The following SH3RF1 variants were observed in gnomAD, a reference collection of about 807,000 sequenced individuals.
The protein encoded by SH3RF1 is E3 ubiquitin-protein ligase SH3RF1.
In SH3RF1, 32 loss-of-function variants were observed where a neutral mutation model predicts 74.0. That is an observed-to-expected ratio of 0.43 (90% CI 0.33 to 0.58). The LOEUF (loss-of-function observed/expected upper bound fraction) is 0.58, where lower values mean the gene tolerates loss of function less well. SH3RF1 is among the 20% of genes least tolerant of loss of function. The pLI is 0.05. For synonymous variants in SH3RF1, 396 were observed against 439.6 expected (o/e 0.90, Z 1.24); for missense variants, 954 against 1,130.9 (o/e 0.84, Z 2.24).
chr4:169,269,214 T>G lies in SH3RF1; in HGVS notation c.-2A>C. 4 of 1,562,262 alleles carry G rather than the reference T, an allele frequency of 2.6e-6. No individual in the cohort carries two copies. The highest frequency in any genetic ancestry group is 3.4e-6 in the Non-Finnish European group (4 of 1,160,286). On this transcript the variant is annotated 5_prime_UTR_variant, in exon 2 of 12. Transcript: ENST00000284637. ...ATCCAACAAGGCTGATTCATCCATC[T>G]TTATCTACTTTACTGAGAAAAAATC... is the stretch of plus-strand genomic sequence containing the variant.
At chr4:169,243,523 T>C (rs954182319) in intron 2 of SH3RF1, among the ~76,000 whole-genome samples, 6 of 152,124 alleles carry the variant, frequency 3.9e-5, no homozygotes, top group Admixed American at 2.0e-4. Flanking sequence ...AATAAATAAA[T>C]AGATAAATAA....
chr4:169,227,501 T>A (rs1489650607), intron 2 of SH3RF1, among the ~76,000 whole-genome samples: 1 of 152,216 alleles, frequency 6.6e-6, no homozygotes, highest in Admixed American at 6.5e-5. Flanking sequence ...GAGTTGGAAT[T>A]TATGCTTTAG....
At position 169,226,384 on chromosome 4, in the gene SH3RF1, A is replaced by G. The variant is rs546487844; in HGVS notation, c.393+42436T>C. 2.6e-5 allele frequency among the ~76,000 whole-genome samples: 4 copies of G among 152,328 alleles called. No individual in the cohort carries two copies. The South Asian group carries it at 8.3e-4, about 32-fold the overall frequency. On this transcript the variant is annotated intron_variant, in intron 2 of 11. Coordinates refer to ENST00000284637, the MANE Select transcript of SH3RF1 (RefSeq NM_020870.4). ...TTTTCATCACAGTTGTCGTGTCTAC[A>G]TATCAAGGTTTTCCTGGTCACCATA...
chr4:169,196,491 A>G (rs1734814147), intron 2 of SH3RF1, among the ~76,000 whole-genome samples: 2 of 152,238 alleles, frequency 1.3e-5, no homozygotes, highest in South Asian at 4.1e-4. Context: ...TGTTAGTAGA[A>G]GTAATTTGAG....
chr4:169,235,341 C>T (rs1730809312), intron 2 of SH3RF1, among the ~76,000 whole-genome samples: 3 of 152,164 alleles, frequency 2.0e-5, no homozygotes. Context: ...TGACAAAATT[C>T]ATAATAAAAA....
chr4:169,183,512 C>T (rs1734549030), intron 2 of SH3RF1, among the ~76,000 whole-genome samples: 1 of 152,112 alleles, frequency 6.6e-6, no homozygotes, highest in African/African-American at 2.4e-5. Flanking sequence ...AACTCCTAAC[C>T]TCAGGTGATC....
rs750848323 is a variant in SH3RF1, at chr4:169,136,337, G to A, written c.1049C>T (p.Ser350Phe). 4 of 1,472,766 alleles carry A rather than the reference G, an allele frequency of 2.7e-6. No individual in the cohort carries two copies. Among genetic ancestry groups the A allele is most frequent in the Non-Finnish European group, 3.6e-6 (4 of 1,109,494 alleles). The allele number at this position is 1,472,766 out of a possible 1,614,324, so 91.2% of individuals were successfully genotyped here. Residue 350 changes from serine (S) to phenylalanine (F), a missense_variant, in exon 5 of 12, where the codon TCC (serine) becomes TTC (phenylalanine). By Grantham distance (155) the Ser-to-Phe change is radical. Coordinates refer to ENST00000284637, the MANE Select transcript of SH3RF1 (RefSeq NM_020870.4). The part of the protein sequence containing the change: ...AARISELSGL[S>F]CSAPSQVHIS... ...ATTTACCTGAGAAGGGGCACTGCAGGAGAGCCCAGACAGCTCGCTGATCCG... is the reference window on the plus strand; with the variant it reads ...ATTTACCTGAGAAGGGGCACTGCAGAAGAGCCCAGACAGCTCGCTGATCCG...
At chr4:169,206,833 A>C (rs2126993554) in intron 2 of SH3RF1, among the ~76,000 whole-genome samples, 1 of 152,314 alleles carries the variant, frequency 6.6e-6, no homozygotes, top group South Asian at 2.1e-4. Context: ...ATAGAGAATT[A>C]TCTATTATAA....
At chr4:169,182,695 T>C (rs546126977) in intron 2 of SH3RF1, among the ~76,000 whole-genome samples, 2 of 152,294 alleles carry the variant, frequency 1.3e-5, no homozygotes, top group South Asian at 4.1e-4. Flanking sequence ...CCTCTCTTCA[T>C]AGCAGGCTTT....
chr4:169,230,332 G>A (rs1238138701), intron 2 of SH3RF1, among the ~76,000 whole-genome samples: 1 of 152,106 alleles, frequency 6.6e-6, no homozygotes, highest in Non-Finnish European at 1.5e-5. Flanking sequence ...AAATAGAGCC[G>A]TGGATGCCCC....
intron 2 of SH3RF1, among the ~76,000 whole-genome samples, chr4:169,157,045 C>T (rs1447091429): frequency 6.6e-6 from 1 of 152,200 alleles, no homozygotes; most frequent in Admixed American, 6.5e-5. Flanking sequence ...ACATTAACTA[C>T]TTTATTCATC....
intron 2 of SH3RF1, among the ~76,000 whole-genome samples, chr4:169,264,885 TG>T (rs982580461): frequency 6.6e-6 from 1 of 152,192 alleles, no homozygotes; most frequent in Non-Finnish European, 1.5e-5. Context: ...CATCCCTTCC[TG>T]TTTAGGTCAG....
chr4:169,180,990 C>T (rs530835165), intron 2 of SH3RF1, among the ~76,000 whole-genome samples: 26 of 152,256 alleles, frequency 1.7e-4, no homozygotes, highest in African/African-American at 4.3e-4. Context: ...CTCACAAATT[C>T]GCTCTAGGGA....
At chr4:169,249,311 A>G (rs1163875528) in intron 2 of SH3RF1, among the ~76,000 whole-genome samples, 5 of 152,208 alleles carry the variant, frequency 3.3e-5, no homozygotes, top group Non-Finnish European at 7.3e-5. Flanking sequence ...CTTATAAAAG[A>G]GGCTTCACCC....
intron 4 of SH3RF1, among the ~76,000 whole-genome samples, chr4:169,138,039 G>A (rs761948495): frequency 1.2e-4 from 18 of 152,282 alleles, no homozygotes; most frequent in East Asian, 5.8e-4. Context: ...TACCAATGGC[G>A]GGAGAAAGAT....
chr4:169,219,907 T>G (rs2127000947), intron 2 of SH3RF1: 2 of 152,296 alleles, frequency 1.3e-5, no homozygotes, highest in Middle Eastern at 6.8e-3. Flanking sequence ...TTGTCTCAAA[T>G]GACTAAAATG....
chr4:169,131,296 C>T (rs2126951551), intron 5 of SH3RF1, among the ~76,000 whole-genome samples: 1 of 152,296 alleles, frequency 6.6e-6, no homozygotes, highest in East Asian at 1.9e-4. Flanking sequence ...ATTGATTGAA[C>T]TAAAGTTTGA....
chr4:169,130,469 T>C (rs925850428), intron 5 of SH3RF1, among the ~76,000 whole-genome samples: 1 of 152,204 alleles, frequency 6.6e-6, no homozygotes, highest in Non-Finnish European at 1.5e-5. Flanking sequence ...TGAATCAAAC[T>C]GGCCTTCCAA....
At chr4:169,162,593 A>C (rs930523849) in intron 2 of SH3RF1, among the ~76,000 whole-genome samples, 2 of 152,232 alleles carry the variant, frequency 1.3e-5, no homozygotes, top group Non-Finnish European at 2.9e-5. Context: ...TTTTCTAATC[A>C]TACTAACTTT....
Sources: allele counts gnomAD v4.1 joint callset (sites outside exome capture counted in the v4.1 genomes callset), GRCh38; gene constraint gnomAD v4.1.1; transcripts MANE v1.5; gene names NCBI Gene and HGNC (gene_info 2026-07-23, HGNC 2026-07-21).